Variants in CCDC112 observed in about 807,000 individuals in gnomAD.
CCDC112 encodes coiled-coil domain containing 112.
Under a neutral mutation model 66.3 loss-of-function variants are expected in CCDC112, and 40 were observed. The observed-to-expected ratio is 0.60, with a 90% CI of 0.47 to 0.79. CCDC112 has a LOEUF of 0.79. Ranked by LOEUF, CCDC112 falls within the 30% of genes least tolerant of loss-of-function variation. CCDC112 has a pLI of 0.00. For missense variants in CCDC112, 659 were observed against 603.8 expected (o/e 1.09, Z -0.96); for synonymous variants, 214 against 197.2 (o/e 1.09, Z -0.71).
rs545965938 is a variant in CCDC112 at position 115,286,661 on chromosome 5, T to C, written c.118-1753A>G. 4.6e-5 allele frequency among the ~76,000 whole-genome samples: 7 copies of C among 152,194 alleles called. No homozygotes were observed. In the South Asian group the frequency reaches 1.5e-3, roughly 32 times the overall value. On this transcript the variant is annotated intron_variant, in intron 1 of 9. Coordinates refer to ENST00000379611, the MANE Select transcript of CCDC112 (RefSeq NM_001040440.3). The stretch of plus-strand genomic sequence containing the variant: ...GCCTGGTGGCTCATGCCTCTAATTC[T>C]AGCACTTTGGGAGGCCAAGGTGGGA...
At chr5:115,285,605 G>T (rs1448134644) in intron 1 of CCDC112, among the ~76,000 whole-genome samples, 2 of 151,714 alleles carry the variant, frequency 1.3e-5, no homozygotes, top group Non-Finnish European at 2.9e-5. Context: ...GATCTTGGTA[G>T]GAAAATGAAA....
intron 1 of CCDC112, among the ~76,000 whole-genome samples, chr5:115,288,083 C>T (rs1156330973): frequency 1.3e-5 from 2 of 151,718 alleles, no homozygotes; most frequent in African/African-American, 4.8e-5. Flanking sequence ...CGAGTTCAAG[C>T]AATTCTCCTG....
intron 1 of CCDC112, chr5:115,296,202 G>A (rs904309709): frequency 7.8e-7 from 1 of 1,275,278 alleles, no homozygotes; most frequent in Non-Finnish European, 9.9e-7. Flanking sequence ...CGGCAGAGCC[G>A]GGTTCCCACC....
chr5:115,270,927 A>G (rs936874132), intron 7 of CCDC112, among the ~76,000 whole-genome samples: 8 of 152,028 alleles, frequency 5.3e-5, no homozygotes, highest in African/African-American at 1.7e-4. Flanking sequence ...TCTCTCTGCC[A>G]CTCATAGCTG....
chr5:115,269,606 A>G lies in CCDC112; in HGVS notation c.1428+97T>C, dbSNP rs1580792870. On this transcript the variant is annotated intron_variant, in intron 8 of 9. Transcript: ENST00000379611. The stretch of plus-strand genomic sequence containing the variant: ...GAAATTTAAAGTAGATGTTATAGAA[A>G]TAAGGTGAGATATAAAGGAAATAGA... The G allele has an allele frequency of 3.7e-6, 3 of 804,188 alleles. No individual in the cohort carries two copies. The East Asian group carries it at 8.5e-5, about 23-fold the overall frequency. The allele number at this position is 804,188 out of a possible 1,614,324, so 49.8% of individuals were successfully genotyped here.
intron 9 of CCDC112, 125 bp from the exon 10 acceptor site, chr5:115,268,043 C>T (rs1023584801): frequency 4.2e-6 from 3 of 707,772 alleles, no homozygotes; most frequent in African/African-American, 3.6e-5. Flanking sequence ...TTGGCTGGTT[C>T]ATATGGGCAT....
intron 2 of CCDC112, among the ~76,000 whole-genome samples, chr5:115,282,804 C>T (rs1321202693): frequency 6.6e-6 from 1 of 151,890 alleles, no homozygotes; most frequent in East Asian, 1.9e-4. Flanking sequence ...GATTCTTGAA[C>T]CATGTAAATA....
chr5:115,285,348 G>A (rs1475869496), intron 1 of CCDC112, among the ~76,000 whole-genome samples: 1 of 152,102 alleles, frequency 6.6e-6, no homozygotes, highest in East Asian at 1.9e-4. Context: ...TGCAATAAAT[G>A]CTATTAAGAA....
intron 1 of CCDC112, among the ~76,000 whole-genome samples, chr5:115,289,882 C>T (rs1276840629): frequency 6.6e-6 from 1 of 152,162 alleles, no homozygotes; most frequent in South Asian, 2.1e-4. Context: ...TGGGGTTTCG[C>T]GATGTTGGCC....
At position 115,271,199 on chromosome 5, in the gene CCDC112, A is replaced by T. The variant is rs1748979142; in HGVS notation, c.1332+14T>A. On this transcript the variant is annotated intron_variant, in intron 7 of 9. Coordinates refer to ENST00000379611, the MANE Select transcript of CCDC112 (RefSeq NM_001040440.3). ...GTAGCATTTAAAAATTATTTAGGAA[A>T]TAGATTTACTCACTCTTTCTTGAAA... The T allele has an allele frequency of 6.4e-7, 1 of 1,562,160 alleles. No individual in the cohort carries two copies. Among genetic ancestry groups the T allele is most frequent in the East Asian group, 2.2e-5 (1 of 44,536 alleles).
At chr5:115,294,017 C>T (rs577115489) in intron 1 of CCDC112, among the ~76,000 whole-genome samples, 14 of 152,190 alleles carry the variant, frequency 9.2e-5, no homozygotes, top group Admixed American at 2.0e-4. Context: ...TAGAGATTTG[C>T]GGTCTTCAGT....
Position 115,267,811 on chromosome 5 carries a change from C to A in CCDC112, c.*65G>T. 1 of 1,234,824 alleles carries A rather than the reference C, an allele frequency of 8.1e-7. No homozygotes were observed. Among genetic ancestry groups the A allele is most frequent in the South Asian group, 1.2e-5 (1 of 82,634 alleles). The allele number at this position is 1,234,824 out of a possible 1,614,324, so 76.5% of individuals were successfully genotyped here. A position where few individuals can be genotyped will look rare whatever the true frequency, so the allele number is the denominator to read the frequency against. On this transcript the variant is annotated 3_prime_UTR_variant, in exon 10 of 10. Transcript: ENST00000379611. The stretch of plus-strand genomic sequence containing the variant: ...TTGATATTTAAAGAATGTGGTTAGT[C>A]ACTCTCTCCCTGGTATAACTTAGTA...
Position 115,271,433 on chromosome 5 carries a change from A to G in CCDC112, c.1112T>C (p.Met371Thr), listed in dbSNP as rs1362196536. The G allele has an allele frequency of 1.2e-6, 2 of 1,609,996 alleles. No homozygotes were observed. Among genetic ancestry groups the G allele is most frequent in the South Asian group, 2.2e-5 (2 of 89,486 alleles). ...TTCTTTTAACTGGGAAGCACATTTC[A>G]TTGACATTTCTATACTTTTCTGTTT... ...WKKQKSIEMS[M>T]KCASQLKEEE... Residue 371 changes from methionine to threonine, a missense_variant, in exon 7 of 10, where the codon ATG becomes ACG. Physicochemically the swap from Met to Thr is moderately conservative, Grantham distance 81. Coordinates refer to ENST00000379611, the MANE Select transcript of CCDC112 (RefSeq NM_001040440.3).
intron 1 of CCDC112, chr5:115,288,928 G>A (rs1433214307): frequency 2.3e-6 from 1 of 443,710 alleles, no homozygotes; most frequent in South Asian, 1.6e-5. Flanking sequence ...TATTCCTCTG[G>A]ATTGTACAAG....
intron 3 of CCDC112, 50 bp from the exon 4 acceptor site, chr5:115,277,104 T>G (rs762969732): frequency 2.7e-6 from 3 of 1,109,854 alleles, no homozygotes; most frequent in Middle Eastern, 2.0e-4. Flanking sequence ...CAAATGTGGT[T>G]ACAATTCAGG....
rs1749318154 is a variant in CCDC112 at position 115,278,795 on chromosome 5, T to C, written c.361+852A>G. Among the ~76,000 whole-genome samples the C allele has an allele frequency of 2.6e-5, 4 of 152,112 alleles. No homozygotes were observed. In the South Asian group the frequency reaches 8.3e-4, roughly 31 times the overall value. On this transcript the variant is annotated intron_variant, in intron 3 of 9. Transcript: ENST00000379611. The stretch of plus-strand genomic sequence containing the variant: ...TTTAAAAAATAGTGCAACCTTGTAT[T>C]TTGAAAGAAAAAAATCACTAAGAAT...
chr5:115,272,758 A>C (rs554682233), intron 6 of CCDC112, among the ~76,000 whole-genome samples: 16 of 152,308 alleles, frequency 1.1e-4, no homozygotes, highest in African/African-American at 3.8e-4. Context: ...CACTCAATAA[A>C]TCTTTATGGT....
At position 115,295,996 on chromosome 5, in the gene CCDC112, T is replaced by A. The variant is rs184827957; in HGVS notation, c.117+431A>T. ...CCATCCCATATTGTCTTTCTCCTTG[T>A]GTTCCCAGCGCCGGTACAGTAACAG... On this transcript the variant is annotated intron_variant, in intron 1 of 9. Coordinates refer to ENST00000379611, the MANE Select transcript of CCDC112 (RefSeq NM_001040440.3). 1,597 of 988,646 alleles carry A rather than the reference T, an allele frequency of 1.6e-3. 3 individuals carry two copies. The highest frequency in any genetic ancestry group is 1.9e-3 in the Non-Finnish European group (1,543 of 832,168). The allele number at this position is 988,646 out of a possible 1,614,324, so 61.2% of individuals were successfully genotyped here.
At position 115,296,443 on chromosome 5, in the gene CCDC112, G is replaced by A; in HGVS notation, c.101C>T (p.Thr34Met). 1.3e-6 allele frequency: 2 copies of A among 1,566,366 alleles called. No individual in the cohort carries two copies. The highest frequency in any genetic ancestry group is 8.6e-7 in the Non-Finnish European group (1 of 1,164,272). ...CGGATTTACCTGTTGAGGCGCTGGC[G>A]TCGCTCCCACGCCGGTCCCGGTGGC... is the stretch of plus-strand genomic sequence containing the variant. ...GAATGTGVGA[T>M]PAPQQSDGCF... Residue 34 changes from threonine (T) to methionine (M), a missense_variant, in exon 1 of 10, where the codon ACG becomes ATG. Transcript: ENST00000379611.
Sources: gnomAD v4.1 joint callset for allele counts (sites outside exome capture counted in the v4.1 genomes callset) on GRCh38, gnomAD v4.1.1 for gene constraint, MANE v1.5 for transcripts, NCBI Gene and HGNC (gene_info 2026-07-23, HGNC 2026-07-21) for gene names.